The following DNAH7 variants were observed in gnomAD, a reference collection of about 807,000 sequenced individuals.
DNAH7 encodes the protein dynein axonemal heavy chain 7, also known as axonemal beta dynein heavy chain 7.
In DNAH7, 397 loss-of-function variants were observed where a neutral mutation model predicts 444.6. That is an observed-to-expected ratio of 0.89 (90% CI 0.82 to 0.97). The LOEUF is 0.97. DNAH7 is among the 50% of genes least tolerant of loss of function. DNAH7 has a pLI of 0.00. For missense variants in DNAH7, 4,902 were observed against 4,800.8 expected, an observed-to-expected ratio of 1.02 and a Z score of -0.62; for synonymous variants, 1,636 against 1,624.4, an observed-to-expected ratio of 1.01 and a Z score of -0.17.
intron 1 of DNAH7, 134 bp downstream of exon 1, chr2:196,068,563 A>G (rs1698560600): frequency 8.4e-7 from 1 of 1,191,856 alleles, no homozygotes; most frequent in South Asian, 1.5e-5. Context: ...CCAGGCCACA[A>G]GTGGGGTGAA....
intron 42 of DNAH7, among the ~76,000 whole-genome samples, chr2:195,859,858 T>C (rs1398427880): frequency 6.6e-6 from 1 of 152,142 alleles, no homozygotes; most frequent in African/African-American, 2.4e-5. Flanking sequence ...ACAGTTTCAA[T>C]ATGGTGGCTA....
rs746146701 is a variant in DNAH7, at chr2:195,960,697, T to C, written c.2454A>G (p.Pro818=). The stretch of plus-strand genomic sequence containing the variant: ...CTTTTTTTGTCATTGCCAATGCATA[T>C]GGAGAATCATGAAAGGTTTTCTCCA... ...YKLEKTFHDS[P]YALAMTKKVR... Residue 818 remains proline, a synonymous_variant, in exon 18 of 65, where the codon CCA becomes CCG. Coordinates refer to ENST00000312428, the MANE Select transcript of DNAH7 (RefSeq NM_018897.3). 3.4e-5 allele frequency: 55 copies of C among 1,614,242 alleles called. No homozygotes were observed. The highest frequency in any genetic ancestry group is 4.6e-5 in the Non-Finnish European group (54 of 1,180,024).
chr2:195,789,420 A>G (rs2105978443), intron 57 of DNAH7, among the ~76,000 whole-genome samples: 1 of 152,300 alleles, frequency 6.6e-6, no homozygotes, highest in East Asian at 1.9e-4. Context: ...GGAAGGGAGC[A>G]CTCGGGTAGG....
At chr2:195,764,888 C>G (rs189341704) in intron 61 of DNAH7, among the ~76,000 whole-genome samples, 24 of 150,958 alleles carry the variant, frequency 1.6e-4, no homozygotes, top group African/African-American at 5.8e-4. Flanking sequence ...AAAAAAAACG[C>G]TAAAACTTAT....
intron 63 of DNAH7, among the ~76,000 whole-genome samples, chr2:195,747,715 A>G (rs974645508): frequency 6.6e-6 from 1 of 152,224 alleles, no homozygotes; most frequent in African/African-American, 2.4e-5. Flanking sequence ...CAGCATATAA[A>G]CAGAACCAAA....
intron 54 of DNAH7, among the ~76,000 whole-genome samples, chr2:195,800,116 A>G (rs574216393): frequency 6.6e-6 from 1 of 152,248 alleles, no homozygotes. Flanking sequence ...CCTCGGGTAC[A>G]TCATTCCTGC....
intron 63 of DNAH7, among the ~76,000 whole-genome samples, chr2:195,750,998 A>G (rs1693766580): frequency 6.6e-6 from 1 of 152,200 alleles, no homozygotes; most frequent in South Asian, 2.1e-4. Flanking sequence ...GACATGTAAT[A>G]TAGTGAGCTG....
intron 20 of DNAH7, among the ~76,000 whole-genome samples, chr2:195,935,990 G>T (rs953214739): frequency 6.6e-6 from 1 of 152,150 alleles, no homozygotes; most frequent in Non-Finnish European, 1.5e-5. Flanking sequence ...AATCTGTGTG[G>T]GGCATTGCAA....
rs745393514 is a variant in DNAH7, at chr2:195,787,079, A to C, written c.10809T>G (p.Pro3603=). 9 of 1,613,036 alleles carry C rather than the reference A, an allele frequency of 5.6e-6. No homozygotes were observed. The East Asian group carries it at 2.0e-4, about 36-fold the overall frequency. ...TCAGATCTGTCTCATTGAACTCATA[A>C]GGAATATTCCACCCTAGGGGTCCAA... is the stretch of plus-strand genomic sequence containing the variant. ...RKFGPLGWNI[P]YEFNETDLRI... The change falls in exon 58 of 65, where the codon CCT becomes CCG. Residue 3603 remains proline (P), a synonymous_variant. Transcript: ENST00000312428.
chr2:195,740,611 GTGTGTATATATATATA>G lies in DNAH7; in HGVS notation c.11868+139_11868+154del, dbSNP rs1375950940. Among the ~76,000 whole-genome samples, 37 of 66,120 alleles carry G rather than the reference GTGTGTATATATATATA, an allele frequency of 5.6e-4. 1 individual carries two copies. In the South Asian group the frequency reaches 7.3e-3, roughly 13 times the overall value. 43.4% of individuals were successfully genotyped at this position (66,120 alleles called of 152,430 possible). Reference sequence around the variant, plus strand: ...TGTGTGTGTGTGTGTGTGTGTGTGTGTGTGTATATATATATATATATATATATATATATACATATAC... The same window carrying G: ...TGTGTGTGTGTGTGTGTGTGTGTGTGTATATATATATATATATACATATAC... On this transcript the variant is annotated intron_variant, in intron 64 of 64. Coordinates refer to ENST00000312428, the MANE Select transcript of DNAH7 (RefSeq NM_018897.3).
At chr2:196,034,741 G>C (rs907812796) in intron 5 of DNAH7, among the ~76,000 whole-genome samples, 1 of 152,164 alleles carries the variant, frequency 6.6e-6, no homozygotes, top group Non-Finnish European at 1.5e-5. Context: ...TTTTCCACAA[G>C]TATGCCAAGG....
chr2:195,900,180 T>C (rs1686613601), intron 28 of DNAH7, 102 bp downstream of exon 28: 8 of 1,261,116 alleles, frequency 6.3e-6, no homozygotes, highest in Non-Finnish European at 9.0e-6. Context: ...TTTTTTTCAA[T>C]CAATTAAGGA....
At chr2:195,789,749 T>C (rs1301232125) in intron 57 of DNAH7, among the ~76,000 whole-genome samples, 1 of 151,454 alleles carries the variant, frequency 6.6e-6, no homozygotes, top group African/African-American at 2.4e-5. Context: ...ATCACCTGAA[T>C]CTAATCATGA....
intron 36 of DNAH7, among the ~76,000 whole-genome samples, chr2:195,877,885 G>A (rs1409872458): frequency 6.6e-6 from 1 of 152,182 alleles, no homozygotes; most frequent in African/African-American, 2.4e-5. Context: ...CTTTGTGTTT[G>A]TACCTGTGAT....
At chr2:195,944,900 T>C (rs1689699296) in intron 19 of DNAH7, among the ~76,000 whole-genome samples, 2 of 152,054 alleles carry the variant, frequency 1.3e-5, no homozygotes, top group African/African-American at 4.8e-5. Flanking sequence ...GTACTTCAAA[T>C]TCTTATCATA....
At chr2:195,831,697 T>G (rs1417959951) in intron 48 of DNAH7, among the ~76,000 whole-genome samples, 1 of 152,192 alleles carries the variant, frequency 6.6e-6, no homozygotes, top group African/African-American at 2.4e-5. Context: ...GTAGGTTAAA[T>G]CAACTGAAAG....
chr2:195,926,987 T>C (rs777419964), intron 21 of DNAH7, among the ~76,000 whole-genome samples: 2 of 152,136 alleles, frequency 1.3e-5, no homozygotes, highest in East Asian at 1.9e-4. Context: ...CACTCAGCCA[T>C]ATGCCTGTAC....
rs149454779 is a variant in DNAH7 at position 195,944,345 on chromosome 2, A to C, written c.3079-7553T>G. On this transcript the variant is annotated intron_variant, in intron 19 of 64. Transcript: ENST00000312428. ...CCATTACAGAAGCCAGGTTTGGTCAATAAAACAAGTAAACAGAACCACTCA... is the reference window on the plus strand; with the variant it reads ...CCATTACAGAAGCCAGGTTTGGTCACTAAAACAAGTAAACAGAACCACTCA... Among the ~76,000 whole-genome samples the C allele has an allele frequency of 2.0e-4, 31 of 152,294 alleles. No homozygotes were observed. In the East Asian group the frequency reaches 6.0e-3, roughly 29 times the overall value.
At chr2:195,813,517 A>G (rs143479478) in intron 51 of DNAH7, among the ~76,000 whole-genome samples, 4 of 152,322 alleles carry the variant, frequency 2.6e-5, no homozygotes, top group East Asian at 1.9e-4. Context: ...AGTTAAGCTT[A>G]TTTCAAGTTG....
Sources: gnomAD v4.1 joint callset for allele counts (sites outside exome capture counted in the v4.1 genomes callset) on GRCh38, gnomAD v4.1.1 for gene constraint, MANE v1.5 for transcripts, NCBI Gene and HGNC (gene_info 2026-07-23, HGNC 2026-07-21) for gene names.